The following GRIA4 variants were observed in gnomAD, a reference collection of about 807,000 sequenced individuals.
GRIA4 encodes glutamate receptor 4.
GRIA4 carries 34 observed loss-of-function variants against 104.0 expected under a neutral mutation model. The ratio of observed to expected loss-of-function variants is 0.33; its 90% CI spans 0.25 to 0.44. The LOEUF (loss-of-function observed/expected upper bound fraction) is 0.44, where lower values mean the gene tolerates loss of function less well. Ranked by LOEUF, GRIA4 falls within the 20% of genes least tolerant of loss-of-function variation. The probability of loss-of-function intolerance (pLI) is 1.00; values close to 1 mark genes in which losing one functional copy is unlikely to be tolerated. For synonymous variants in GRIA4, 386 were observed against 381.9 expected (o/e 1.01, Z -0.13); for missense variants, 750 against 1,096.5 (o/e 0.68, Z 4.46).
chr11:105,640,243 C>T (rs896216256), intron 3 of GRIA4, among the ~76,000 whole-genome samples: 5 of 151,730 alleles, frequency 3.3e-5, no homozygotes, highest in African/African-American at 1.2e-4. Flanking sequence ...CCCAAAAATG[C>T]AAAACAAGAA....
chr11:105,964,239 T>C (rs1010903416), intron 14 of GRIA4, among the ~76,000 whole-genome samples: 1 of 152,164 alleles, frequency 6.6e-6, no homozygotes, highest in Non-Finnish European at 1.5e-5. Flanking sequence ...GGCACTTACT[T>C]GGAAATGTAG....
intron 10 of GRIA4, among the ~76,000 whole-genome samples, chr11:105,913,760 C>A (rs1627890): frequency 6.6e-6 from 1 of 151,838 alleles, no homozygotes. Flanking sequence ...GCTTTACTAC[C>A]GAAGTTAAGG....
chr11:105,947,224 T>C (rs1948337903), intron 14 of GRIA4, among the ~76,000 whole-genome samples: 2 of 152,218 alleles, frequency 1.3e-5, no homozygotes, highest in African/African-American at 4.8e-5. Flanking sequence ...GATTGTCTGA[T>C]ATAACCTAAT....
At chr11:105,613,151 G>C (rs1950520599) in intron 3 of GRIA4, 1 of 152,116 alleles carries the variant, frequency 6.6e-6, no homozygotes, top group Non-Finnish European at 1.5e-5. Context: ...TCCACACAAT[G>C]AAACTAAACG....
intron 5 of GRIA4, among the ~76,000 whole-genome samples, chr11:105,866,706 T>C (rs749759177): frequency 6.6e-6 from 1 of 151,530 alleles, no homozygotes; most frequent in Non-Finnish European, 1.5e-5. Flanking sequence ...AAAATCCTAC[T>C]AAAATATATG....
chr11:105,760,494 T>C (rs1317125098), intron 4 of GRIA4, among the ~76,000 whole-genome samples: 2 of 152,114 alleles, frequency 1.3e-5, no homozygotes, highest in African/African-American at 4.8e-5. Context: ...GACCTATAAT[T>C]TATATTTATC....
At chr11:105,894,486 A>G (rs149066918) in intron 6 of GRIA4, among the ~76,000 whole-genome samples, 1 of 152,294 alleles carries the variant, frequency 6.6e-6, no homozygotes, top group Non-Finnish European at 1.5e-5. Context: ...CTGGCATATA[A>G]TAAGCTCAGC....
intron 3 of GRIA4, 148 bp from the exon 4 acceptor site, chr11:105,752,833 C>A (rs2135694018): frequency 2.9e-6 from 2 of 691,026 alleles, no homozygotes; most frequent in East Asian, 2.6e-5. Flanking sequence ...CAATTAATTG[C>A]ACACTTCACT....
intron 4 of GRIA4, among the ~76,000 whole-genome samples, chr11:105,784,280 C>T (rs547283876): frequency 2.0e-5 from 3 of 152,190 alleles, no homozygotes; most frequent in East Asian, 1.9e-4. Context: ...AAATTAATTG[C>T]AATACAATTT....
In GRIA4 at chr11:105,931,210, T is replaced by G. The variant is rs377211661; in HGVS notation, c.2047-2512T>G. On this transcript the variant is annotated intron_variant, in intron 13 of 16. Coordinates refer to ENST00000282499, the MANE Select transcript of GRIA4 (RefSeq NM_000829.4). ...CAGTCCTGGAAGGATATAGAATCAC[T>G]GAAATTTTCTAATATGAGGATTCTG... 2.6e-5 allele frequency among the ~76,000 whole-genome samples: 4 copies of G among 151,668 alleles called. No individual in the cohort carries two copies. In the East Asian group the frequency reaches 5.8e-4, roughly 22 times the overall value.
intron 13 of GRIA4, among the ~76,000 whole-genome samples, chr11:105,931,922 T>C (rs1393040553): frequency 6.6e-6 from 1 of 152,170 alleles, no homozygotes; most frequent in Admixed American, 6.6e-5. Flanking sequence ...ATATGTTGAT[T>C]AGTAAAGAAC....
Position 105,683,029 on chromosome 11 carries a change from C to G in GRIA4, c.248-69952C>G, listed in dbSNP as rs577894766. Among the ~76,000 whole-genome samples, 8 of 152,128 alleles carry G rather than the reference C, an allele frequency of 5.3e-5. No individual in the cohort carries two copies. In the South Asian group the frequency reaches 1.5e-3, roughly 28 times the overall value. ...TAATAGTACCTCTAAAATCCATAACCCATTTATAATTATGGTGAGCCTGGA... is the reference window on the plus strand; with the variant it reads ...TAATAGTACCTCTAAAATCCATAACGCATTTATAATTATGGTGAGCCTGGA... On this transcript the variant is annotated intron_variant, in intron 3 of 16. Coordinates refer to ENST00000282499, the MANE Select transcript of GRIA4 (RefSeq NM_000829.4).
chr11:105,964,733 C>T (rs1304806556), intron 14 of GRIA4, among the ~76,000 whole-genome samples: 6 of 151,300 alleles, frequency 4.0e-5, no homozygotes, highest in African/African-American at 1.5e-4. Flanking sequence ...AAAACTGTAA[C>T]TTGAAAGCAG....
At chr11:105,881,041 G>A (rs750645400) in intron 5 of GRIA4, among the ~76,000 whole-genome samples, 1 of 152,202 alleles carries the variant, frequency 6.6e-6, no homozygotes, top group Non-Finnish European at 1.5e-5. Flanking sequence ...GAACAGGCTG[G>A]AAGAGGAGTA....
At chr11:105,888,093 G>A (rs4754137) in intron 6 of GRIA4, among the ~76,000 whole-genome samples, 12,460 of 152,020 alleles carry the variant, frequency 0.082, 735 homozygotes, top group Admixed American at 0.18. Flanking sequence ...AGGTCTGAGA[G>A]AAATCCTTTT....
intron 3 of GRIA4, among the ~76,000 whole-genome samples, chr11:105,675,521 C>T (rs1952508741): frequency 6.6e-6 from 1 of 151,764 alleles, no homozygotes; most frequent in South Asian, 2.1e-4. Flanking sequence ...CATAATTTGA[C>T]ACTCCAAAAT....
At chr11:105,911,066 A>G (rs1165121599) in intron 10 of GRIA4, among the ~76,000 whole-genome samples, 2 of 152,082 alleles carry the variant, frequency 1.3e-5, no homozygotes, top group Non-Finnish European at 2.9e-5. Flanking sequence ...GATTTATATA[A>G]CTAAATGATT....
At chr11:105,685,493 T>G (rs1019347634) in intron 3 of GRIA4, among the ~76,000 whole-genome samples, 2 of 152,168 alleles carry the variant, frequency 1.3e-5, no homozygotes, top group Non-Finnish European at 2.9e-5. Flanking sequence ...CTGTCAAACA[T>G]CAGCACTTTC....
intron 4 of GRIA4, among the ~76,000 whole-genome samples, chr11:105,826,779 C>T (rs1734748956): frequency 6.6e-6 from 1 of 152,018 alleles, no homozygotes; most frequent in Non-Finnish European, 1.5e-5. Context: ...ATACTTTTAA[C>T]AGTTGGGTCT....
Sources: gnomAD v4.1 joint callset for allele counts (sites outside exome capture counted in the v4.1 genomes callset) on GRCh38, gnomAD v4.1.1 for gene constraint, MANE v1.5 for transcripts, NCBI Gene and HGNC (gene_info 2026-07-23, HGNC 2026-07-21) for gene names.